ERBB4: variants seen among roughly 807,000 people sequenced by gnomAD.
ERBB4 encodes erb-b2 receptor tyrosine kinase 4.
A neutral mutation model predicts 158.0 loss-of-function variants in ERBB4; 42 were observed. The observed-to-expected ratio is 0.27, with a 90% CI of 0.21 to 0.34. The LOEUF (loss-of-function observed/expected upper bound fraction) is 0.34, where lower values mean the gene tolerates loss of function less well. Ranked by LOEUF, ERBB4 falls within the 10% of genes least tolerant of loss-of-function variation. The pLI, the probability that ERBB4 is intolerant of heterozygous loss-of-function variation, is 1.00. For synonymous variants in ERBB4, 583 were observed against 558.7 expected, an observed-to-expected ratio of 1.04 and a Z score of -0.61; for missense variants, 1,333 against 1,624.1, an observed-to-expected ratio of 0.82 and a Z score of 3.08.
chr2:211,811,555 T>G (rs1018798502), intron 3 of ERBB4, among the ~76,000 whole-genome samples: 1 of 152,292 alleles, frequency 6.6e-6, no homozygotes, highest in African/African-American at 2.4e-5. Flanking sequence ...ATTTGAATGT[T>G]GGCCTGCCTT....
At chr2:211,923,617 G>T (rs1002079150) in intron 3 of ERBB4, among the ~76,000 whole-genome samples, 1 of 152,096 alleles carries the variant, frequency 6.6e-6, no homozygotes, top group African/African-American at 2.4e-5. Context: ...AGGGGAAAAG[G>T]TTCAACTGGA....
intron 1 of ERBB4, among the ~76,000 whole-genome samples, chr2:212,486,577 T>G (rs1689993686): frequency 6.6e-6 from 1 of 152,194 alleles, no homozygotes; most frequent in Non-Finnish European, 1.5e-5. Flanking sequence ...TTTACTGTAA[T>G]GTATTAATGA....
At chr2:212,375,433 T>C (rs1442078713) in intron 1 of ERBB4, among the ~76,000 whole-genome samples, 1 of 152,102 alleles carries the variant, frequency 6.6e-6, no homozygotes, top group Non-Finnish European at 1.5e-5. Context: ...AAAATTGTAA[T>C]GCAACAATTC....
chr2:212,228,091 T>C (rs1448925431), intron 1 of ERBB4, among the ~76,000 whole-genome samples: 1 of 152,158 alleles, frequency 6.6e-6, no homozygotes, highest in African/African-American at 2.4e-5. Context: ...TATAAAATAC[T>C]CCTTTTCACC....
At chr2:212,105,698 T>C (rs990935984) in intron 2 of ERBB4, among the ~76,000 whole-genome samples, 38 of 152,212 alleles carry the variant, frequency 2.5e-4, no homozygotes, top group African/African-American at 9.2e-4. Flanking sequence ...TACAACACTG[T>C]CCTGACCTAA....
At chr2:212,192,126 GTGTTA>G (rs1234455131) in intron 1 of ERBB4, among the ~76,000 whole-genome samples, 6 of 93,220 alleles carry the variant, frequency 6.4e-5, no homozygotes, top group African/African-American at 1.9e-4. Context: ...TATATATTAT[GTGTTA>G]TGTTATCTAT....
rs1015089423 is a variant in ERBB4, at chr2:212,101,007, G to A, written c.234+23745C>T. ...ACATTTTAGTGTTGTTGAGTATGAA[G>A]TGTCTGGGATAGTCAATTTTTAATG... On this transcript the variant is annotated intron_variant, in intron 2 of 27. Transcript: ENST00000342788. 7.9e-5 allele frequency among the ~76,000 whole-genome samples: 12 copies of A among 152,152 alleles called. No individual in the cohort carries two copies. The South Asian group carries it at 1.2e-3, about 16-fold the overall frequency.
At chr2:211,403,331 C>T (rs2063083137) in intron 25 of ERBB4, among the ~76,000 whole-genome samples, 1 of 152,134 alleles carries the variant, frequency 6.6e-6, no homozygotes, top group South Asian at 2.1e-4. Flanking sequence ...TGTAAGATTC[C>T]AGATACTAGC....
intron 25 of ERBB4, among the ~76,000 whole-genome samples, chr2:211,418,788 C>A (rs747908128): frequency 1.1e-4 from 17 of 151,922 alleles, no homozygotes; most frequent in Non-Finnish European, 2.5e-4. Context: ...GTACAGAGAG[C>A]CTCCTTTATA....
intron 3 of ERBB4, among the ~76,000 whole-genome samples, chr2:211,846,279 T>C (rs181758352): frequency 6.6e-6 from 1 of 152,186 alleles, no homozygotes; most frequent in African/African-American, 2.4e-5. Flanking sequence ...CAGACACTTT[T>C]TTTCATAAAA....
At chr2:211,539,555 CATAA>C (rs1361495929) in intron 20 of ERBB4, among the ~76,000 whole-genome samples, 3 of 151,958 alleles carry the variant, frequency 2.0e-5, no homozygotes, top group Admixed American at 6.6e-5. Context: ...AAAATAAATA[CATAA>C]ATGTCATTCA....
At chr2:212,304,705 C>G (rs1258161911) in intron 1 of ERBB4, among the ~76,000 whole-genome samples, 1 of 151,380 alleles carries the variant, frequency 6.6e-6, no homozygotes, top group Admixed American at 6.6e-5. Flanking sequence ...CATTTTCCAC[C>G]CTGTAAGGTT....
At chr2:211,435,008 A>T (rs2063819771) in intron 20 of ERBB4, among the ~76,000 whole-genome samples, 1 of 152,220 alleles carries the variant, frequency 6.6e-6, no homozygotes. Context: ...CAGTCATTAA[A>T]TAGGATTTTC....
rs1200790011 is a variant in ERBB4 at position 211,630,567 on chromosome 2, A to G, written c.1974T>C (p.Ile658=). The part of the protein sequence containing the change: ...ARTPLIAAGV[I]GGLFILVIVG... ...CAATGACCAGAATGAAGAGCCCACC[A>G]ATTACTCCAGCTGCAATCAGGGGAG... The change falls in exon 17 of 28, where the codon ATT becomes ATC. Residue 658 remains isoleucine (I), a synonymous_variant. Transcript: ENST00000342788. 2 of 1,613,748 alleles carry G rather than the reference A, an allele frequency of 1.2e-6. No individual in the cohort carries two copies. The highest frequency in any genetic ancestry group is 1.7e-6 in the Non-Finnish European group (2 of 1,179,862).
At chr2:211,783,388 G>A (rs1369570017) in intron 4 of ERBB4, among the ~76,000 whole-genome samples, 1 of 152,206 alleles carries the variant, frequency 6.6e-6, no homozygotes. Flanking sequence ...GCCCTGGCCA[G>A]AACTTCCAAC....
chr2:211,856,630 G>A (rs1009752353), intron 3 of ERBB4, among the ~76,000 whole-genome samples: 9 of 151,798 alleles, frequency 5.9e-5, no homozygotes, highest in African/African-American at 1.5e-4. Context: ...CTCGTGATCC[G>A]CCCGCCTCGG....
intron 21 of ERBB4, among the ~76,000 whole-genome samples, chr2:211,430,669 T>G (rs917142517): frequency 1.3e-5 from 2 of 152,086 alleles, no homozygotes; most frequent in African/African-American, 4.8e-5. Flanking sequence ...GGACCTAACA[T>G]GAAGGTCACC....
At chr2:211,883,930 G>A (rs906802596) in intron 3 of ERBB4, among the ~76,000 whole-genome samples, 5 of 152,120 alleles carry the variant, frequency 3.3e-5, no homozygotes, top group African/African-American at 4.8e-5. Context: ...CTATCCATGA[G>A]GGACTGACTC....
At chr2:211,444,061 A>G (rs1162352361) in intron 20 of ERBB4, among the ~76,000 whole-genome samples, 2 of 152,056 alleles carry the variant, frequency 1.3e-5, no homozygotes, top group Non-Finnish European at 2.9e-5. Context: ...TGTCTTTCCT[A>G]TAATGGTTTA....
Sources: gnomAD v4.1 joint callset for allele counts (sites outside exome capture counted in the v4.1 genomes callset) on GRCh38, gnomAD v4.1.1 for gene constraint, MANE v1.5 for transcripts, NCBI Gene and HGNC (gene_info 2026-07-23, HGNC 2026-07-21) for gene names.